The following RERE variants were observed in gnomAD, a reference collection of about 807,000 sequenced individuals.
The protein encoded by RERE is arginine-glutamic acid dipeptide repeats protein.
RERE carries 40 observed loss-of-function variants against 146.1 expected under a neutral mutation model. The ratio of observed to expected loss-of-function variants is 0.27; its 90% CI spans 0.21 to 0.36. RERE has a LOEUF of 0.36. Among genes scored for constraint, RERE ranks in the 10% least tolerant of loss-of-function variants. The probability of loss-of-function intolerance (pLI) is 1.00; values close to 1 mark genes in which losing one functional copy is unlikely to be tolerated. For missense variants in RERE, 1,933 were observed against 2,138.7 expected (o/e 0.90, Z 1.90); for synonymous variants, 1,003 against 866.0 (o/e 1.16, Z -2.78).
At chr1:8,507,282 C>T (rs546613453) in intron 8 of RERE, among the ~76,000 whole-genome samples, 1 of 152,216 alleles carries the variant, frequency 6.6e-6, no homozygotes, top group East Asian at 1.9e-4. Context: ...CTCTGAAAAA[C>T]GTAAAAACAA....
intron 4 of RERE, among the ~76,000 whole-genome samples, chr1:8,566,243 G>C (rs1646151257): frequency 6.6e-6 from 1 of 152,092 alleles, no homozygotes; most frequent in South Asian, 2.1e-4. Flanking sequence ...CCACGGCTGT[G>C]GCACAGCTCC....
At chr1:8,562,279 G>A (rs555779527) in intron 4 of RERE, among the ~76,000 whole-genome samples, 1 of 152,252 alleles carries the variant, frequency 6.6e-6, no homozygotes, top group South Asian at 2.1e-4. Context: ...AGCTTGTCAA[G>A]AATTTCTCAA....
At chr1:8,504,818 A>C (rs1035704758) in intron 8 of RERE, among the ~76,000 whole-genome samples, 3 of 152,038 alleles carry the variant, frequency 2.0e-5, no homozygotes, top group African/African-American at 7.2e-5. Flanking sequence ...GTGCCACTGC[A>C]CTCCAGCCTG....
At chr1:8,528,852 T>C (rs929539256) in intron 7 of RERE, among the ~76,000 whole-genome samples, 13 of 151,896 alleles carry the variant, frequency 8.6e-5, no homozygotes, top group Admixed American at 4.6e-4. Flanking sequence ...AAAAAAGAGA[T>C]AGAGGTTATC....
At chr1:8,694,790 G>A (rs1292274044) in intron 1 of RERE, among the ~76,000 whole-genome samples, 2 of 151,562 alleles carry the variant, frequency 1.3e-5, no homozygotes, top group Non-Finnish European at 2.9e-5. Flanking sequence ...TGACACAAAT[G>A]GAAAAACATT....
chr1:8,665,868 C>T (rs1638560035), intron 1 of RERE, among the ~76,000 whole-genome samples: 1 of 152,102 alleles, frequency 6.6e-6, no homozygotes, highest in Non-Finnish European at 1.5e-5. Context: ...AACAAATAAC[C>T]ATGCAGGAAA....
At chr1:8,609,819 G>A (rs1380310266) in intron 4 of RERE, among the ~76,000 whole-genome samples, 3 of 152,172 alleles carry the variant, frequency 2.0e-5, no homozygotes, top group Non-Finnish European at 4.4e-5. Flanking sequence ...AATGGTAAGT[G>A]CCTTACTTCA....
intron 1 of RERE, among the ~76,000 whole-genome samples, chr1:8,732,264 G>A (rs964727614): frequency 3.3e-5 from 5 of 152,110 alleles, no homozygotes; most frequent in African/African-American, 7.2e-5. Flanking sequence ...TCCTTCAACC[G>A]TACTTCATGA....
chr1:8,726,287 G>A (rs1025278795), intron 1 of RERE, among the ~76,000 whole-genome samples: 2 of 151,066 alleles, frequency 1.3e-5, no homozygotes, highest in South Asian at 2.1e-4. Context: ...GAGTAGCTGG[G>A]ATTACAAGCA....
chr1:8,500,908 G>A (rs958187452), intron 8 of RERE, among the ~76,000 whole-genome samples: 3 of 151,522 alleles, frequency 2.0e-5, no homozygotes, highest in African/African-American at 7.3e-5. Context: ...CGCCCCGTCT[G>A]AGAAGTGAGG....
chr1:8,495,736 G>A (rs1645036590), intron 9 of RERE, among the ~76,000 whole-genome samples: 1 of 152,190 alleles, frequency 6.6e-6, no homozygotes, highest in Non-Finnish European at 1.5e-5. Context: ...AGAGCATGAA[G>A]AATCTAAATC....
At chr1:8,774,740 A>G (rs1054091444) in intron 1 of RERE, among the ~76,000 whole-genome samples, 1 of 152,146 alleles carries the variant, frequency 6.6e-6, no homozygotes, top group Non-Finnish European at 1.5e-5. Context: ...ATAGTCTATT[A>G]TACAGAATAA....
At chr1:8,775,632 T>C (rs964517780) in intron 1 of RERE, among the ~76,000 whole-genome samples, 7 of 152,198 alleles carry the variant, frequency 4.6e-5, no homozygotes, top group African/African-American at 1.4e-4. Context: ...ATTTTTTCCC[T>C]TAACGGTATT....
In RERE at chr1:8,556,482, C is replaced by A. The variant is rs1411154245; in HGVS notation, c.718G>T (p.Ala240Ser). The change falls in exon 6 of 23, where the codon GCC becomes TCC. Residue 240 changes from alanine to serine, a missense_variant. This residue lies in a region of RERE where 37 missense variants were observed against 46.6 expected (regional missense o/e 0.79). Coordinates refer to ENST00000400908, the MANE Select transcript of RERE (RefSeq NM_001042681.2). ...SDYVDTYHAA[A>S]LRGKCNISHF... ...CACGTCTCCAGTACTTACCTAAGGG[C>A]AGCAGCATGGTAAGTGTCAACGTAA... The A allele has an allele frequency of 6.3e-7, 1 of 1,594,394 alleles. No individual in the cohort carries two copies. The highest frequency in any genetic ancestry group is 8.6e-7 in the Non-Finnish European group (1 of 1,162,158).
intron 1 of RERE, among the ~76,000 whole-genome samples, chr1:8,668,613 T>C (rs1036531048): frequency 2.0e-5 from 3 of 152,048 alleles, no homozygotes; most frequent in East Asian, 3.9e-4. Context: ...ATACACACAA[T>C]AAAATATCCA....
chr1:8,734,549 C>A (rs1030575316), intron 1 of RERE, among the ~76,000 whole-genome samples: 27 of 152,180 alleles, frequency 1.8e-4, no homozygotes, highest in African/African-American at 6.5e-4. Flanking sequence ...CAAACATGGG[C>A]TGACTTTGCA....
At chr1:8,676,175 C>T (rs1258405840) in intron 1 of RERE, among the ~76,000 whole-genome samples, 3 of 152,130 alleles carry the variant, frequency 2.0e-5, no homozygotes, top group African/African-American at 7.2e-5. Flanking sequence ...ATGATCAATG[C>T]CAAGTCTCTT....
At chr1:8,389,587 C>A (rs897103512) in intron 12 of RERE, among the ~76,000 whole-genome samples, 1 of 152,120 alleles carries the variant, frequency 6.6e-6, no homozygotes, top group South Asian at 2.1e-4. Context: ...CCCCCTACCG[C>A]CACACATGCT....
intron 1 of RERE, among the ~76,000 whole-genome samples, chr1:8,723,815 G>C (rs576387568): frequency 2.0e-5 from 3 of 152,278 alleles, no homozygotes; most frequent in Non-Finnish European, 4.4e-5. Context: ...TAAAAAGAAG[G>C]ACTGAAACCA....
Sources: gnomAD v4.1 joint callset for allele counts (sites outside exome capture counted in the v4.1 genomes callset) on GRCh38, gnomAD v4.1.1 for gene constraint, gnomAD v4.1.1 regional missense constraint, MANE v1.5 for transcripts, NCBI Gene and HGNC (gene_info 2026-07-23, HGNC 2026-07-21) for gene names.